The following PRDM16 variants were observed in gnomAD, a reference collection of about 807,000 sequenced individuals.
PRDM16 encodes histone-lysine N-methyltransferase PRDM16.
In PRDM16, 23 loss-of-function variants were observed where a neutral mutation model predicts 110.6. The ratio of observed to expected loss-of-function variants is 0.21; its 90% confidence interval spans 0.15 to 0.29. The LOEUF is 0.29. Among genes scored for constraint, PRDM16 ranks in the 10% least tolerant of loss-of-function variants. PRDM16 has a pLI of 1.00. For missense variants in PRDM16, 1,615 were observed against 1,794.3 expected, an observed-to-expected ratio of 0.90 and a Z score of 1.81; for synonymous variants, 799 against 781.8, an observed-to-expected ratio of 1.02 and a Z score of -0.37.
chr1:3,395,676 C>A (rs12057953), intron 4 of PRDM16, among the ~76,000 whole-genome samples: 1,756 of 152,302 alleles, frequency 0.012, 32 homozygotes, highest in African/African-American at 0.038. Context: ...GATGGCCTGG[C>A]CTCCCCTTTG....
chr1:3,397,706 C>T (rs1325308575), intron 5 of PRDM16, among the ~76,000 whole-genome samples: 3 of 152,340 alleles, frequency 2.0e-5, no homozygotes, highest in Middle Eastern at 3.4e-3. Flanking sequence ...TTTTCCTCCT[C>T]GCTTCTTGGA....
At chr1:3,300,031 C>G (rs1230131364) in intron 3 of PRDM16, among the ~76,000 whole-genome samples, 1 of 87,714 alleles carries the variant, frequency 1.1e-5, no homozygotes, top group African/African-American at 3.4e-5. Flanking sequence ...ATGCTGTGGC[C>G]GTGATGTTTC....
At chr1:3,247,617 T>C (rs1413886223) in intron 3 of PRDM16, among the ~76,000 whole-genome samples, 2 of 152,234 alleles carry the variant, frequency 1.3e-5, no homozygotes, top group Non-Finnish European at 2.9e-5. Flanking sequence ...GCGTTCCCTC[T>C]GTCTCACACC....
At position 3,244,437 on chromosome 1, in the gene PRDM16, C is replaced by G. The variant is rs1639743500; in HGVS notation, c.438+300C>G. ...CTGTACCTGTGGGAAAGCTTCAGGCCACGCAGACAGGAAAATTAAATAAAC... is the reference window on the plus strand; with the variant it reads ...CTGTACCTGTGGGAAAGCTTCAGGCGACGCAGACAGGAAAATTAAATAAAC... On this transcript the variant is annotated intron_variant, in intron 3 of 16. Transcript: ENST00000270722. This position sits in a 1 kb window ranked among gnomAD's most constrained non-coding sequence, Gnocchi z 4.1. Among the ~76,000 whole-genome samples the G allele has an allele frequency of 2.6e-5, 4 of 152,196 alleles. No individual in the cohort carries two copies. The South Asian group carries it at 8.3e-4, about 32-fold the overall frequency.
chr1:3,195,944 C>A (rs1480842036), intron 2 of PRDM16, among the ~76,000 whole-genome samples: 2 of 152,226 alleles, frequency 1.3e-5, no homozygotes, highest in African/African-American at 4.8e-5. Flanking sequence ...GAGGCTCTGT[C>A]TACACTGGGA....
chr1:3,422,865 G>A (rs140486118), intron 12 of PRDM16, among the ~76,000 whole-genome samples: 2,455 of 152,338 alleles, frequency 0.016, 39 homozygotes, highest in South Asian at 0.038. Context: ...GGGAGGAGAC[G>A]CTGGGACCCG....
At chr1:3,347,243 G>T (rs529306691) in intron 3 of PRDM16, among the ~76,000 whole-genome samples, 1 of 152,350 alleles carries the variant, frequency 6.6e-6, no homozygotes, top group East Asian at 1.9e-4. Flanking sequence ...AGGCAGAGGG[G>T]CTCCATCCAG....
rs994597751 is a variant in PRDM16 at position 3,298,919 on chromosome 1, T to C, written c.438+54782T>C. On this transcript the variant is annotated intron_variant, in intron 3 of 16. Transcript: ENST00000270722. ...TCCGATGAGCCTGGTCCCAGCAGAG[T>C]GCTCTGGCCTTCAGGCTGGGTCTCC... Among the ~76,000 whole-genome samples the C allele has an allele frequency of 3.3e-5, 5 of 152,198 alleles. 1 individual carries two copies. The highest frequency in any genetic ancestry group is 1.2e-4 in the African/African-American group (5 of 41,456).
chr1:3,384,644 T>A (rs1346272870), intron 3 of PRDM16, among the ~76,000 whole-genome samples: 1 of 152,246 alleles, frequency 6.6e-6, no homozygotes, highest in Admixed American at 6.5e-5. Context: ...ACTCTCCAGC[T>A]TTAAGGAAAC....
At position 3,157,093 on chromosome 1, in the gene PRDM16, C is replaced by T. The variant is rs919934100; in HGVS notation, c.38-29032C>T. On this transcript the variant is annotated intron_variant, in intron 1 of 16. Transcript: ENST00000270722. This position sits in a 1 kb window ranked among gnomAD's most constrained non-coding sequence, Gnocchi z 4.8. ...CCAGAACCAGCCGTGGCTGCCCAGT[C>T]GCCCAGATGGTGGTCCCAGGGCAGG... Among the ~76,000 whole-genome samples the T allele has an allele frequency of 4.6e-5, 7 of 152,184 alleles. No homozygotes were observed. The highest frequency in any genetic ancestry group is 8.8e-5 in the Non-Finnish European group (6 of 68,032).
At position 3,432,068 on chromosome 1, in the gene PRDM16, T is replaced by C. The variant is rs1247801759; in HGVS notation, c.3624T>C (p.Val1208=). 1.2e-6 allele frequency: 2 copies of C among 1,614,004 alleles called. No individual in the cohort carries two copies. The highest frequency in any genetic ancestry group is 2.7e-5 in the African/African-American group (2 of 74,928). ...LRRAAEEAFE[V]KDVLNSTLDS... is the part of the protein sequence containing the mutation. ...GAGCAGCTGAGGAAGCATTTGAAGT[T>C]AAAGATGTGCTTAATTCCACCTTAG... Residue 1208 remains valine (V), a synonymous_variant, in exon 16 of 17, where the codon GTT becomes GTC. Coordinates refer to ENST00000270722, the MANE Select transcript of PRDM16 (RefSeq NM_022114.4).
At position 3,305,016 on chromosome 1, in the gene PRDM16, G is replaced by A. The variant is rs115783718; in HGVS notation, c.438+60879G>A. Among the ~76,000 whole-genome samples, 1,399 of 152,270 alleles carry A rather than the reference G, an allele frequency of 9.2e-3. 12 individuals carry two copies. The highest frequency in any genetic ancestry group is 0.02 in the Middle Eastern group (6 of 294). ...CCCTCCTGTGCACTTCTGACCAATC[G>A]AGTGAACTGTGTTGAGAAACGGATG... On this transcript the variant is annotated intron_variant, in intron 3 of 16. Transcript: ENST00000270722.
chr1:3,318,883 T>C (rs1290149974), intron 3 of PRDM16, among the ~76,000 whole-genome samples: 3 of 152,220 alleles, frequency 2.0e-5, no homozygotes, highest in Non-Finnish European at 4.4e-5. Context: ...CTGCCAGGAC[T>C]CTCCCCACTT....
intron 3 of PRDM16, among the ~76,000 whole-genome samples, chr1:3,346,595 C>T (rs990029759): frequency 2.0e-5 from 3 of 152,152 alleles, no homozygotes; most frequent in Non-Finnish European, 4.4e-5. Context: ...GCAACACAGA[C>T]ACCCCCTCCA....
chr1:3,314,523 G>C (rs981469359), intron 3 of PRDM16, among the ~76,000 whole-genome samples: 12 of 152,002 alleles, frequency 7.9e-5, no homozygotes, highest in Admixed American at 7.9e-4. Context: ...TAGTTATCCT[G>C]CTCCATCCAG....
chr1:3,336,160 C>T (rs1480070971), intron 3 of PRDM16, among the ~76,000 whole-genome samples: 6 of 152,366 alleles, frequency 3.9e-5, no homozygotes, highest in Admixed American at 3.9e-4. Flanking sequence ...TTCAGGCTTA[C>T]TGACCTGCCA....
intron 1 of PRDM16, among the ~76,000 whole-genome samples, chr1:3,125,603 G>A (rs545171577): frequency 4.1e-4 from 63 of 152,268 alleles, no homozygotes; most frequent in Non-Finnish European, 7.6e-4. Context: ...TTAGGGGAGC[G>A]GCTGTGCAGG....
chr1:3,374,456 G>A (rs1642958530), intron 3 of PRDM16, among the ~76,000 whole-genome samples: 1 of 152,206 alleles, frequency 6.6e-6, no homozygotes. Flanking sequence ...TGGCAGAGAC[G>A]GAGGCTCCCT....
Position 3,232,468 on chromosome 1 carries a change from T to C in PRDM16, c.388-11619T>C, listed in dbSNP as rs933968832. 3.3e-5 allele frequency among the ~76,000 whole-genome samples: 5 copies of C among 152,382 alleles called. No homozygotes were observed. In the East Asian group the frequency reaches 9.6e-4, roughly 29 times the overall value. On this transcript the variant is annotated intron_variant, in intron 2 of 16. Coordinates refer to ENST00000270722, the MANE Select transcript of PRDM16 (RefSeq NM_022114.4). ...GCATATTAGCTGTTATTATTATCAT[T>C]GTTATTTTATTTCAATCAGGAATAA... is the stretch of plus-strand genomic sequence containing the variant.
Sources: gnomAD v4.1 joint callset for allele counts (sites outside exome capture counted in the v4.1 genomes callset) on GRCh38, gnomAD v4.1.1 for gene constraint, Gnocchi (gnomAD v3.1) non-coding constraint, MANE v1.5 for transcripts, NCBI Gene and HGNC (gene_info 2026-07-23, HGNC 2026-07-21) for gene names.